UGGT2: variants seen among roughly 807,000 people sequenced by gnomAD.
UGGT2 encodes UDP-glucose glycoprotein glucosyltransferase 2.
Under a neutral mutation model 192.1 loss-of-function variants are expected in UGGT2, and 180 were observed. The observed-to-expected ratio is 0.94, with a 90% CI of 0.83 to 1.06. The LOEUF is 1.06. Among genes scored for constraint, UGGT2 ranks in the 50% least tolerant of loss-of-function variants. UGGT2 has a pLI of 0.00. For synonymous variants in UGGT2, 580 were observed against 591.0 expected, an observed-to-expected ratio of 0.98 and a Z score of 0.27; for missense variants, 1,849 against 1,795.7, an observed-to-expected ratio of 1.03 and a Z score of -0.54.
intron 5 of UGGT2, 103 bp from the exon 6 acceptor site, chr13:95,999,410 A>G: frequency 9.7e-7 from 1 of 1,031,290 alleles, no homozygotes; most frequent in Non-Finnish European, 1.5e-6. Flanking sequence ...TAAATTACTA[A>G]TATTGAAGGT....
At chr13:95,819,789 G>T (rs1345048326) in intron 38 of UGGT2, among the ~76,000 whole-genome samples, 1 of 152,192 alleles carries the variant, frequency 6.6e-6, no homozygotes, top group Non-Finnish European at 1.5e-5. Flanking sequence ...CAAAGGGGTA[G>T]AATCAACTAA....
chr13:95,919,360 C>T (rs1304059613), intron 20 of UGGT2, among the ~76,000 whole-genome samples: 1 of 152,128 alleles, frequency 6.6e-6, no homozygotes, highest in Non-Finnish European at 1.5e-5. Flanking sequence ...ATTGAAAGTT[C>T]TGGCCAGGGT....
chr13:95,951,742 G>A (rs906845532), intron 12 of UGGT2, among the ~76,000 whole-genome samples: 3 of 152,134 alleles, frequency 2.0e-5, no homozygotes, highest in Non-Finnish European at 4.4e-5. Context: ...CACTGAACAT[G>A]GTATAAGCCA....
rs572674618 is a variant in UGGT2, at chr13:95,900,937, C to T, written c.2504G>A (p.Gly835Glu). Residue 835 changes from glycine to glutamate, a missense_variant and splice_region_variant, in exon 22 of 39, where the codon GGG (glycine) becomes GAG (glutamate). Gly to Glu is a moderately conservative substitution (Grantham distance 98). Coordinates refer to ENST00000376747, the MANE Select transcript of UGGT2 (RefSeq NM_020121.4). The part of the protein sequence containing the change: ...GDKIKTFLIE[G>E]MDKNAFEKKY... ...TTTCTCAAAAGCATTCTTATCCATC[C>T]CCTAAAGCAAAAGTTAAGACTGATG... 4.4e-6 allele frequency: 7 copies of T among 1,579,642 alleles called. No individual in the cohort carries two copies. In the South Asian group the frequency reaches 5.9e-5, roughly 13 times the overall value.
chr13:95,817,622 G>C (rs914682109), intron 38 of UGGT2, among the ~76,000 whole-genome samples: 1 of 152,060 alleles, frequency 6.6e-6, no homozygotes, highest in African/African-American at 2.4e-5. Context: ...CACAATGTAA[G>C]TATAAAAAAT....
intron 36 of UGGT2, among the ~76,000 whole-genome samples, chr13:95,846,110 G>A (rs1316563418): frequency 9.2e-5 from 14 of 152,162 alleles, no homozygotes; most frequent in African/African-American, 2.7e-4. Flanking sequence ...CCGAGATCAC[G>A]CCACTGCACT....
intron 36 of UGGT2, among the ~76,000 whole-genome samples, chr13:95,841,649 T>A (rs1380524339): frequency 6.6e-6 from 1 of 152,220 alleles, no homozygotes; most frequent in African/African-American, 2.4e-5. Flanking sequence ...CTAAAAGTTG[T>A]CTTTTCCCTT....
chr13:95,856,522 T>G, intron 33 of UGGT2, 182 bp from the exon 34 acceptor site: 1 of 570,592 alleles, frequency 1.8e-6, no homozygotes, highest in Middle Eastern at 4.6e-4. Context: ...CTAACAAATA[T>G]GAAATCACAA....
intron 20 of UGGT2, among the ~76,000 whole-genome samples, chr13:95,904,289 T>C (rs1159776041): frequency 6.6e-6 from 1 of 152,040 alleles, no homozygotes; most frequent in African/African-American, 2.4e-5. Flanking sequence ...AGATAATCTA[T>C]ATTATCTTTT....
chr13:95,909,303 G>A (rs1238078090), intron 20 of UGGT2, among the ~76,000 whole-genome samples: 4 of 151,882 alleles, frequency 2.6e-5, no homozygotes, highest in South Asian at 4.1e-4. Context: ...ACACGCACAC[G>A]TATGTTTATT....
At chr13:95,906,243 C>T (rs2048287329) in intron 20 of UGGT2, among the ~76,000 whole-genome samples, 2 of 152,128 alleles carry the variant, frequency 1.3e-5, no homozygotes, top group African/African-American at 4.8e-5. Context: ...TTTATTTAAA[C>T]TGCATTTCTC....
intron 36 of UGGT2, among the ~76,000 whole-genome samples, chr13:95,843,066 G>T (rs1888031956): frequency 6.6e-6 from 1 of 152,192 alleles, no homozygotes; most frequent in Non-Finnish European, 1.5e-5. Context: ...TATGAATAAT[G>T]CTACTATGAG....
intron 36 of UGGT2, among the ~76,000 whole-genome samples, chr13:95,843,110 T>C (rs571406457): frequency 1.2e-3 from 189 of 152,360 alleles, no homozygotes; most frequent in African/African-American, 4.1e-3. Context: ...GGCCAGGTAC[T>C]TTTATTTCTC....
In UGGT2 at chr13:95,940,816, C is replaced by T. The variant is rs1016446469; in HGVS notation, c.1678-725G>A. Among the ~76,000 whole-genome samples, 54 of 151,968 alleles carry T rather than the reference C, an allele frequency of 3.6e-4. 1 individual carries two copies. The highest frequency in any genetic ancestry group is 1.3e-3 in the African/African-American group (52 of 41,384). ...CCATGTTGCTCAGGCTGGTCTCAAA[C>T]ACCTGGGCTCAAGCAATCTACCTGC... is the stretch of plus-strand genomic sequence containing the variant. On this transcript the variant is annotated intron_variant, in intron 15 of 38. Coordinates refer to ENST00000376747, the MANE Select transcript of UGGT2 (RefSeq NM_020121.4).
At chr13:95,925,333 T>C (rs1335178840) in intron 20 of UGGT2, among the ~76,000 whole-genome samples, 4 of 152,206 alleles carry the variant, frequency 2.6e-5, no homozygotes, top group Non-Finnish European at 2.9e-5. Context: ...CAAAAATTGC[T>C]ATTACTAGCT....
chr13:95,940,147 T>G (rs1183644611), intron 15 of UGGT2, 56 bp from the exon 16 acceptor site: 4 of 1,315,204 alleles, frequency 3.0e-6, no homozygotes, highest in Non-Finnish European at 3.0e-6. Context: ...TAGTTTTCTT[T>G]TTTTTCCTTA....
At chr13:95,982,726 T>C (rs2140864389) in intron 10 of UGGT2, among the ~76,000 whole-genome samples, 1 of 152,194 alleles carries the variant, frequency 6.6e-6, no homozygotes, top group East Asian at 1.9e-4. Context: ...TTGTGTGTCA[T>C]AAGAAAACAA....
intron 21 of UGGT2, among the ~76,000 whole-genome samples, 200 bp downstream of exon 21, chr13:95,902,654 A>G (rs1276464553): frequency 6.6e-6 from 1 of 152,020 alleles, no homozygotes; most frequent in Non-Finnish European, 1.5e-5. Context: ...AGTTAATGAA[A>G]CATATGAAAT....
At chr13:95,939,476 CTT>C (rs35091779) in intron 16 of UGGT2, among the ~76,000 whole-genome samples, 2,228 of 109,100 alleles carry the variant, frequency 0.02, 32 homozygotes, top group African/African-American at 0.057. Flanking sequence ...GAGTTGTTGC[CTT>C]TTTTTTTTTT....
Sources: gnomAD v4.1 joint callset for allele counts (sites outside exome capture counted in the v4.1 genomes callset) on GRCh38, gnomAD v4.1.1 for gene constraint, MANE v1.5 for transcripts, NCBI Gene and HGNC (gene_info 2026-07-23, HGNC 2026-07-21) for gene names.